Variants in ESRRG observed in about 807,000 individuals in gnomAD.
ESRRG encodes the protein estrogen-related receptor gamma.
A neutral mutation model predicts 44.0 loss-of-function variants in ESRRG; 13 were observed. The observed-to-expected ratio is 0.30, with a 90% CI of 0.19 to 0.47. The LOEUF is 0.47. Ranked by LOEUF, ESRRG falls within the 20% of genes least tolerant of loss-of-function variation. The pLI, the probability that ESRRG is intolerant of heterozygous loss-of-function variation, is 1.00. For missense variants in ESRRG, 395 were observed against 580.6 expected, an observed-to-expected ratio of 0.68 and a Z score of 3.29; for synonymous variants, 215 against 214.6, an observed-to-expected ratio of 1.00 and a Z score of -0.02.
intron 5 of ESRRG, among the ~76,000 whole-genome samples, chr1:216,535,836 T>A (rs1374826507): frequency 6.6e-6 from 1 of 152,126 alleles, no homozygotes; most frequent in Admixed American, 6.6e-5. Context: ...TCTTTTTCCC[T>A]CTCTGTTCAC....
intron 1 of ESRRG, among the ~76,000 whole-genome samples, chr1:216,968,217 C>T (rs1309600112): frequency 6.6e-6 from 1 of 152,070 alleles, no homozygotes. Flanking sequence ...CAGTGTCTTT[C>T]ACAGGGAAGA....
chr1:216,839,807 G>A (rs34063139), intron 2 of ESRRG, among the ~76,000 whole-genome samples: 63,966 of 151,918 alleles, frequency 0.42, 14,682 homozygotes, highest in African/African-American at 0.61. Flanking sequence ...GAGCAGTAAT[G>A]TTTTAAAATG....
intron 2 of ESRRG, among the ~76,000 whole-genome samples, chr1:216,901,304 C>G (rs1411947501): frequency 6.6e-6 from 1 of 152,142 alleles, no homozygotes; most frequent in African/African-American, 2.4e-5. Flanking sequence ...ATATAGGACA[C>G]TAGATCTCAT....
At chr1:216,573,596 A>G (rs2061209482) in intron 3 of ESRRG, among the ~76,000 whole-genome samples, 2 of 152,046 alleles carry the variant, frequency 1.3e-5, no homozygotes, top group South Asian at 4.1e-4. Flanking sequence ...ATCGAACGGT[A>G]AAATAACTTA....
intron 1 of ESRRG, among the ~76,000 whole-genome samples, chr1:216,702,183 T>C (rs1348754887): frequency 6.6e-6 from 1 of 152,214 alleles, no homozygotes; most frequent in Non-Finnish European, 1.5e-5. Flanking sequence ...CATAGCTTTC[T>C]TTAAAAGGTG....
In ESRRG at chr1:216,761,450, T is replaced by C. The variant is rs559909799; in HGVS notation, c.-13-83959A>G. Reference sequence around the variant, plus strand: ...CTTATATCTTGACTCAGAGTAAATATTTGGTGAGTGCATAAATGATCCATA... The same window carrying C: ...CTTATATCTTGACTCAGAGTAAATACTTGGTGAGTGCATAAATGATCCATA... On this transcript the variant is annotated intron_variant, in intron 2 of 7. Transcript: ENST00000359162. 5.3e-5 allele frequency among the ~76,000 whole-genome samples: 8 copies of C among 152,146 alleles called. No homozygotes were observed. In the South Asian group the frequency reaches 1.7e-3, roughly 32 times the overall value.
chr1:216,874,326 T>C (rs1280951197), intron 2 of ESRRG, among the ~76,000 whole-genome samples: 1 of 152,196 alleles, frequency 6.6e-6, no homozygotes, highest in Admixed American at 6.5e-5. Context: ...ATAGGGTGAA[T>C]TGTGCTTATT....
intron 1 of ESRRG, chr1:216,715,165 G>A: frequency 1.0e-6 from 1 of 985,062 alleles, no homozygotes; most frequent in African/African-American, 1.7e-5. Context: ...AGCCAAGTGT[G>A]TAGTTCAGTA....
At chr1:217,111,942 G>A (rs902482928) in intron 1 of ESRRG, among the ~76,000 whole-genome samples, 2 of 151,958 alleles carry the variant, frequency 1.3e-5, no homozygotes, top group Non-Finnish European at 2.9e-5. Flanking sequence ...CTCTTGAAAC[G>A]TTCTCTCTCA....
intron 1 of ESRRG, among the ~76,000 whole-genome samples, chr1:217,095,399 G>A (rs1365256634): frequency 6.6e-6 from 1 of 152,156 alleles, no homozygotes; most frequent in Non-Finnish European, 1.5e-5. Flanking sequence ...AAGCCAGTTG[G>A]GCAAGTCTCT....
At chr1:216,830,384 A>T (rs2095469034) in intron 2 of ESRRG, among the ~76,000 whole-genome samples, 1 of 152,226 alleles carries the variant, frequency 6.6e-6, no homozygotes, top group South Asian at 2.1e-4. Context: ...AGAATAATTT[A>T]TGCCCAAGGC....
intron 2 of ESRRG, among the ~76,000 whole-genome samples, chr1:216,766,122 A>T (rs1576314751): frequency 6.6e-6 from 1 of 152,212 alleles, no homozygotes; most frequent in East Asian, 1.9e-4. Flanking sequence ...GTCCTCACGG[A>T]GGTGCACTCA....
intron 2 of ESRRG, among the ~76,000 whole-genome samples, chr1:216,740,013 C>T (rs1288436301): frequency 2.0e-5 from 3 of 152,172 alleles, no homozygotes; most frequent in Admixed American, 6.5e-5. Flanking sequence ...CTGCTGACCT[C>T]GGCTATGTTA....
intron 3 of ESRRG, among the ~76,000 whole-genome samples, chr1:216,603,937 C>CA (rs1279211692): frequency 0.012 from 332 of 28,068 alleles, 2 homozygotes; most frequent in African/African-American, 0.051. Flanking sequence ...TCAAAAAAAA[C>CA]AAAAAAACAA....
chr1:216,841,233 A>T (rs1319437429), intron 2 of ESRRG, among the ~76,000 whole-genome samples: 6 of 152,196 alleles, frequency 3.9e-5, no homozygotes, highest in African/African-American at 1.4e-4. Flanking sequence ...GAGAAGCATC[A>T]GCACAGAGGA....
intron 2 of ESRRG, among the ~76,000 whole-genome samples, chr1:216,839,349 T>G (rs2095615298): frequency 6.6e-6 from 1 of 152,202 alleles, no homozygotes. Context: ...TGCACTTCCA[T>G]TCTCTACTGA....
At chr1:216,586,068 T>G (rs1429361982) in intron 3 of ESRRG, among the ~76,000 whole-genome samples, 1 of 152,090 alleles carries the variant, frequency 6.6e-6, no homozygotes, top group Non-Finnish European at 1.5e-5. Context: ...AATAAAGTTA[T>G]TTTTTAAAAG....
intron 2 of ESRRG, among the ~76,000 whole-genome samples, chr1:216,838,395 A>G (rs959244454): frequency 6.6e-6 from 1 of 152,010 alleles, no homozygotes; most frequent in African/African-American, 2.4e-5. Context: ...CAAATTTGTC[A>G]TTTTTCCCTG....
intron 1 of ESRRG, among the ~76,000 whole-genome samples, chr1:216,712,040 T>A (rs1352917240): frequency 2.0e-5 from 3 of 152,238 alleles, no homozygotes; most frequent in Non-Finnish European, 4.4e-5. Flanking sequence ...ATTTCAAATT[T>A]GACCTTCCTA....
Sources: gnomAD v4.1 joint callset for allele counts (sites outside exome capture counted in the v4.1 genomes callset) on GRCh38, gnomAD v4.1.1 for gene constraint, MANE v1.5 for transcripts, NCBI Gene and HGNC (gene_info 2026-07-23, HGNC 2026-07-21) for gene names.